PNPLA6: variants seen among roughly 807,000 people sequenced by gnomAD.
PNPLA6 encodes the protein patatin-like phospholipase domain-containing protein 6.
A neutral mutation model predicts 153.7 loss-of-function variants in PNPLA6; 105 were observed. The observed-to-expected ratio is 0.68, with a 90% confidence interval of 0.58 to 0.80. The LOEUF (loss-of-function observed/expected upper bound fraction) is 0.80. PNPLA6 is among the 30% of genes least tolerant of loss of function. The pLI is 0.00. For synonymous variants in PNPLA6, 825 were observed against 822.2 expected, an observed-to-expected ratio of 1.00 and a Z score of -0.06; for missense variants, 1,423 against 1,919.3, an observed-to-expected ratio of 0.74 and a Z score of 4.83.
At chr19:7,552,769 GAAAGAAAAAAAA>G (rs2023711075) in intron 18 of PNPLA6, among the ~76,000 whole-genome samples, 1 of 26,076 alleles carries the variant, frequency 3.8e-5, no homozygotes, top group Admixed American at 5.6e-4. Flanking sequence ...AAAAAAAAAA[GAAAGAAAAAAAA>G]AAAGAAAAGA....
chr19:7,536,140 G>C (rs1422510323), intron 1 of PNPLA6, 51 bp from the exon 2 acceptor site: 1 of 1,516,880 alleles, frequency 6.6e-7, no homozygotes, highest in Admixed American at 1.7e-5. Flanking sequence ...AGCTCTGGCA[G>C]GGTGGAGTCT....
chr19:7,555,876 T>G lies in PNPLA6; in HGVS notation c.3093+113T>G. 8.9e-7 allele frequency: 1 copy of G among 1,121,048 alleles called. No individual in the cohort carries two copies. Among genetic ancestry groups the G allele is most frequent in the East Asian group, 2.4e-5 (1 of 41,142 alleles). 69.4% of individuals were successfully genotyped at this position (1,121,048 alleles called of 1,614,324 possible). A position where few individuals can be genotyped will look rare whatever the true frequency, so the allele number is the denominator to read the frequency against. The stretch of plus-strand genomic sequence containing the variant: ...CGGGGTCAGGGTGACCCTTCCTGAT[T>G]AAATCTATGATCCCCAGCTGTCCGG... On this transcript the variant is annotated intron_variant, in intron 24 of 31. Transcript: ENST00000600737. The surrounding 1 kb of genome is among the most constrained non-coding windows in gnomAD (Gnocchi z 6.3).
rs1382477302 is a variant in PNPLA6, at chr19:7,549,918, G to A, written c.1620G>A (p.Leu540=). ...IARQGDQDVS[L]HFVLWGCLHV... is the part of the protein sequence containing the mutation. ...CCCTGCCCGCACAGGACGTGAGCCTGCACTTCGTGCTCTGGGGCTGCCTGC... is the reference window on the plus strand; with the variant it reads ...CCCTGCCCGCACAGGACGTGAGCCTACACTTCGTGCTCTGGGGCTGCCTGC... Residue 540 remains leucine, a synonymous_variant, in exon 14 of 32, where the codon CTG becomes CTA. Coordinates refer to ENST00000600737, the MANE Select transcript of PNPLA6 (RefSeq NM_001166114.2). 6.2e-7 allele frequency: 1 copy of A among 1,613,426 alleles called. No homozygotes were observed. Among genetic ancestry groups the A allele is most frequent in the Non-Finnish European group, 8.5e-7 (1 of 1,180,052 alleles).
At chr19:7,558,773 C>A in intron 27 of PNPLA6, 77 bp from the exon 28 acceptor site, 3 of 973,478 alleles carry the variant, frequency 3.1e-6, no homozygotes, top group Admixed American at 2.0e-5. Context: ...TGCATGATGG[C>A]ATCTGTGGGA....
Position 7,561,255 on chromosome 19 carries a change from G to C in PNPLA6, c.3961G>C (p.Asp1321His). ...AGAGTATGAGGAGGACGCCGGACCC[G>C]ACTGCTCGAGGGATGAAGGGGGGTC... ...LTEYEEDAGP[D>H]CSRDEGGSPE... Residue 1321 changes from aspartate (D) to histidine (H), a missense_variant, in exon 31 of 32, where the codon GAC (aspartate) becomes CAC (histidine). By Grantham distance (81) the Asp-to-His change is moderately conservative. Transcript: ENST00000600737. The C allele has an allele frequency of 6.2e-7, 1 of 1,610,912 alleles. No homozygotes were observed. The highest frequency in any genetic ancestry group is 8.5e-7 in the Non-Finnish European group (1 of 1,179,158).
At chr19:7,550,158 C>T (rs752632118) in intron 14 of PNPLA6, 46 bp downstream of exon 14, 2 of 1,610,204 alleles carry the variant, frequency 1.2e-6, no homozygotes, top group Admixed American at 1.7e-5. Context: ...CGGAGGACCC[C>T]AACCCGTGGG....
Position 7,558,906 on chromosome 19 carries a change from C to T in PNPLA6, c.3454C>T (p.Gln1152Ter). ...GGTCATCGCCATTGACGTGGGGAGC[C>T]AGGATGAGACGGACCTCAGCACCTA... The part of the protein sequence containing the change: ...KTVIAIDVGS[Q>*]DETDLSTYGD... Residue 1152 changes from glutamine to a stop codon, truncating the protein, a stop_gained, in exon 28 of 32, where the codon CAG becomes TAG. Coordinates refer to ENST00000600737, the MANE Select transcript of PNPLA6 (RefSeq NM_001166114.2). LOFTEE classifies it high-confidence loss of function. The T allele has an allele frequency of 1.9e-6, 3 of 1,614,016 alleles. No individual in the cohort carries two copies. Among genetic ancestry groups the T allele is most frequent in the Non-Finnish European group, 2.5e-6 (3 of 1,180,020 alleles).
rs548509810 is a variant in PNPLA6 at position 7,550,305 on chromosome 19, C to T, written c.1822C>T (p.Arg608Cys). The change falls in exon 15 of 32, where the codon CGC becomes TGC. Residue 608 changes from arginine to cysteine, a missense_variant. By Grantham distance (180) the Arg-to-Cys change is radical. This residue lies in a region of PNPLA6 where 119 missense variants were observed against 163.7 expected (regional missense o/e 0.73). Coordinates refer to ENST00000600737, the MANE Select transcript of PNPLA6 (RefSeq NM_001166114.2). The part of the protein sequence containing the change: ...ISKSDFYEIM[R>C]AQPSVVLSAA... ...CCAAGTCTGTTCCTGCAGGATCATG[C>T]GCGCACAGCCCAGTGTGGTGCTGAG... 3.1e-6 allele frequency: 5 copies of T among 1,612,804 alleles called. No individual in the cohort carries two copies. The highest frequency in any genetic ancestry group is 3.3e-5 in the Admixed American group (2 of 60,030).
chr19:7,558,981 T>C lies in PNPLA6; in HGVS notation c.3529T>C (p.Trp1177Arg), dbSNP rs376279726. Residue 1177 changes from tryptophan (W) to arginine (R), a missense_variant, in exon 28 of 32, where the codon TGG becomes CGG. Physicochemically the swap from Trp to Arg is moderately radical, Grantham distance 101 (BLOSUM62 -3). Around this residue, in one of 10 missense-constraint regions of PNPLA6, gnomAD observed 643 missense variants for 835.2 expected, o/e 0.77. Coordinates refer to ENST00000600737, the MANE Select transcript of PNPLA6 (RefSeq NM_001166114.2). ...WWLLWKRLNP[W>R]ADKVKVPDMA... ...GCTGCTGTGGAAGCGGCTGAATCCC[T>C]GGGCTGACAAGGTAAAGGTTCCAGA... is the stretch of plus-strand genomic sequence containing the variant. The C allele has an allele frequency of 1.2e-6, 2 of 1,614,102 alleles. No homozygotes were observed. The highest frequency in any genetic ancestry group is 2.7e-5 in the African/African-American group (2 of 74,934).
At chr19:7,542,187 AG>A (rs2023180771) in intron 10 of PNPLA6, 120 bp downstream of exon 10, 1 of 764,606 alleles carries the variant, frequency 1.3e-6, no homozygotes. Context: ...GTACTTCCCC[AG>A]GCACTGTTTT....
intron 16 of PNPLA6, 108 bp from the exon 17 acceptor site, chr19:7,550,886 C>A: frequency 2.1e-6 from 2 of 947,982 alleles, no homozygotes; most frequent in Non-Finnish European, 3.2e-6. Flanking sequence ...TTCCCTACAC[C>A]CCCATTGCAG....
chr19:7,534,849 A>C (rs604959), upstream of PNPLA6: 42,520 of 153,734 alleles, frequency 0.28, 6,013 homozygotes, highest in Admixed American at 0.3. Flanking sequence ...GGCAAAAACC[A>C]GCAGCGCCTT....
At chr19:7,552,881 G>A (rs971925560) in intron 18 of PNPLA6, among the ~76,000 whole-genome samples, 3 of 152,046 alleles carry the variant, frequency 2.0e-5, no homozygotes, top group African/African-American at 7.2e-5. Context: ...AGGGAGGAAG[G>A]GAGGGAGAAA....
At chr19:7,551,131 A>T in intron 17 of PNPLA6, 24 bp downstream of exon 17, 1 of 895,860 alleles carries the variant, frequency 1.1e-6, no homozygotes, top group Non-Finnish European at 1.7e-6. Flanking sequence ...TGGGCGGGGC[A>T]GAGAGGCGGA....
chr19:7,540,173 A>G lies in PNPLA6; in HGVS notation c.579A>G (p.Pro193=). The G allele has an allele frequency of 6.2e-7, 1 of 1,610,946 alleles. No homozygotes were observed. The highest frequency in any genetic ancestry group is 8.5e-7 in the Non-Finnish European group (1 of 1,179,946). ...GGGTGCTGGGCCACTTCGAGAAGCC[A>G]CTCTTCCTGGAGCTCTGCCGCCACA... ...NVRVLGHFEK[P]LFLELCRHMV... is the part of the protein sequence containing the mutation. The change falls in exon 5 of 32, where the codon CCA becomes CCG. Residue 193 remains proline (P), a synonymous_variant. Transcript: ENST00000600737. This position sits in a 1 kb window ranked among gnomAD's most constrained non-coding sequence, Gnocchi z 6.8.
chr19:7,546,965 C>T (rs566405120), intron 13 of PNPLA6, among the ~76,000 whole-genome samples: 8 of 151,398 alleles, frequency 5.3e-5, no homozygotes, highest in East Asian at 3.9e-4. Flanking sequence ...AGTGCAGTGG[C>T]GCGATCTCAG....
Position 7,541,106 on chromosome 19 carries a change from C to T in PNPLA6, c.924+55C>T. Reference sequence around the variant, plus strand: ...CTGAGGGACCCCACCCTGGCCCCCACCCATTCCAGGCTCCAAGGGACCGAG... The same window carrying T: ...CTGAGGGACCCCACCCTGGCCCCCATCCATTCCAGGCTCCAAGGGACCGAG... On this transcript the variant is annotated intron_variant, in intron 7 of 31. Transcript: ENST00000600737. The surrounding 1 kb of genome is among the most constrained non-coding windows in gnomAD (Gnocchi z 5.2). 4 of 1,574,042 alleles carry T rather than the reference C, an allele frequency of 2.5e-6. No homozygotes were observed. Among genetic ancestry groups the T allele is most frequent in the Non-Finnish European group, 3.5e-6 (4 of 1,156,966 alleles).
At chr19:7,557,955 TTC>T (rs1046457372) in intron 27 of PNPLA6, among the ~76,000 whole-genome samples, 3 of 152,162 alleles carry the variant, frequency 2.0e-5, no homozygotes, top group Admixed American at 2.0e-4. Flanking sequence ...TGCACATGCT[TTC>T]TCTCAGGGGC....
chr19:7,557,095 A>T (rs2446176), intron 26 of PNPLA6, 73 bp from the exon 27 acceptor site: 2 of 1,157,712 alleles, frequency 1.7e-6, no homozygotes, highest in Non-Finnish European at 1.3e-6. Flanking sequence ...CAGCGAGCCC[A>T]TCGGGCCGGC....
Sources: gnomAD v4.1 joint callset for allele counts (sites outside exome capture counted in the v4.1 genomes callset) on GRCh38, gnomAD v4.1.1 for gene constraint, gnomAD v4.1.1 regional missense constraint, Gnocchi (gnomAD v3.1) non-coding constraint, MANE v1.5 for transcripts, NCBI Gene and HGNC (gene_info 2026-07-23, HGNC 2026-07-21) for gene names.